The following ZNF223 variants were observed in gnomAD, a reference collection of about 807,000 sequenced individuals.
ZNF223 encodes the protein zinc finger protein 223.
A neutral mutation model predicts 12.3 loss-of-function variants in ZNF223; 9 were observed. The ratio of observed to expected loss-of-function variants is 0.73; its 90% CI spans 0.44 to 1.28. The LOEUF is 1.28. Ranked by LOEUF, ZNF223 falls within the 50% of genes most tolerant of loss-of-function variation. The pLI is 0.00. For synonymous variants in ZNF223, 171 were observed against 195.2 expected, an observed-to-expected ratio of 0.88 and a Z score of 1.03; for missense variants, 506 against 579.0, an observed-to-expected ratio of 0.87 and a Z score of 1.29.
At position 44,066,891 on chromosome 19, in the gene ZNF223, C is replaced by T. The variant is rs751353890; in HGVS notation, c.1063C>T (p.Arg355Trp). The change falls in exon 5 of 5, where the codon CGG (arginine) becomes TGG (tryptophan). Residue 355 changes from arginine to tryptophan, a missense_variant. Arg to Trp is a moderately radical substitution (Grantham distance 101). Transcript: ENST00000434772. ...NCKECGKSFR[R>W]SSYLLIHQRV... ...TAAAGAATGTGGGAAGAGCTTCAGA[C>T]GGTCCTCCTATCTTTTGATCCATCA... is the stretch of plus-strand genomic sequence containing the variant. 1.1e-5 allele frequency: 17 copies of T among 1,614,168 alleles called. No individual in the cohort carries two copies. The highest frequency in any genetic ancestry group is 7.7e-5 in the South Asian group (7 of 91,078).
At chr19:44,060,602 T>C in intron 3 of ZNF223, 21 bp downstream of exon 3, 1 of 1,613,964 alleles carries the variant, frequency 6.2e-7, no homozygotes, top group Non-Finnish European at 8.5e-7. Flanking sequence ...GCATCTTCTA[T>C]AAGGGAATGT....
In ZNF223 at chr19:44,067,384, T is replaced by C; in HGVS notation, c.*107T>C. ...ACATTTATCACCTCAATTATCTCTT[T>C]TTTGTGTTGAGAAAATTAAAAATTC... On this transcript the variant is annotated 3_prime_UTR_variant, in exon 5 of 5. Coordinates refer to ENST00000434772, the MANE Select transcript of ZNF223 (RefSeq NM_013361.6). The C allele has an allele frequency of 2.4e-6, 3 of 1,250,220 alleles. No individual in the cohort carries two copies. The highest frequency in any genetic ancestry group is 1.3e-5 in the South Asian group (1 of 77,590). The allele number at this position is 1,250,220 out of a possible 1,614,324, so 77.4% of individuals were successfully genotyped here.
In ZNF223 at chr19:44,066,343, CAGAGA is replaced by C. The variant is rs1303606060; in HGVS notation, c.518_522del (p.Glu173ValfsTer5). On this transcript the variant is annotated frameshift_variant, in exon 5 of 5. Coordinates refer to ENST00000434772, the MANE Select transcript of ZNF223 (RefSeq NM_013361.6). LOFTEE classifies it low-confidence loss of function (END_TRUNC). ...GATCTTCCTCAGCAAATACGCTCAG[CAGAGA>C]AGTCTCATTCCTGTGATGAGTGTGG... The C allele has an allele frequency of 1.2e-6, 2 of 1,614,214 alleles. No individual in the cohort carries two copies.
At chr19:44,065,354 G>A (rs139649417) in intron 4 of ZNF223, among the ~76,000 whole-genome samples, 16 of 152,074 alleles carry the variant, frequency 1.1e-4, no homozygotes, top group Non-Finnish European at 1.9e-4. Flanking sequence ...GCAAATATAC[G>A]AAGTATTTAT....
At chr19:44,060,091 G>A (rs147673395) in intron 2 of ZNF223, among the ~76,000 whole-genome samples, 237 of 152,266 alleles carry the variant, frequency 1.6e-3, no homozygotes, top group African/African-American at 5.4e-3. Context: ...CTGCCAGGTC[G>A]GGCAGATACT....
chr19:44,056,869 A>G (rs1391513092), intron 2 of ZNF223, among the ~76,000 whole-genome samples: 2 of 152,040 alleles, frequency 1.3e-5, no homozygotes, highest in Non-Finnish European at 2.9e-5. Flanking sequence ...TGCTGGGATT[A>G]CAAGCGTGAA....
At chr19:44,055,248 G>A in intron 2 of ZNF223, 57 bp downstream of exon 2, 1 of 1,596,610 alleles carries the variant, frequency 6.3e-7, no homozygotes, top group South Asian at 1.1e-5. Flanking sequence ...TCAGATTGTT[G>A]TGTGTTTTTC....
chr19:44,064,244 G>A (rs896936005), intron 4 of ZNF223, among the ~76,000 whole-genome samples: 3 of 152,118 alleles, frequency 2.0e-5, no homozygotes, highest in African/African-American at 7.2e-5. Context: ...CTGATGTGTA[G>A]TCTTGAATAT....
At chr19:44,062,886 G>C (rs1031789740) in intron 4 of ZNF223, among the ~76,000 whole-genome samples, 2 of 152,160 alleles carry the variant, frequency 1.3e-5, no homozygotes, top group Non-Finnish European at 2.9e-5. Flanking sequence ...GAGGATGAGA[G>C]GACACAAGTT....
At chr19:44,055,059 C>A (rs755563617) in intron 1 of ZNF223, 50 bp from the exon 2 acceptor site, 1 of 949,152 alleles carries the variant, frequency 1.1e-6, no homozygotes, top group Non-Finnish European at 1.6e-6. Flanking sequence ...TGGGTGACAT[C>A]CCTGGCCACC....
At position 44,056,531 on chromosome 19, in the gene ZNF223, C is replaced by CAAA. The variant is rs370032044; in HGVS notation, c.15+1354_15+1356dup. 9.8e-3 allele frequency among the ~76,000 whole-genome samples: 743 copies of CAAA among 75,990 alleles called. 28 individuals carry two copies. The highest frequency in any genetic ancestry group is 0.044 in the African/African-American group (701 of 15,912). 49.9% of individuals were successfully genotyped at this position (75,990 alleles called of 152,430 possible). ...TGAGTGACAGAGTGAGACTCTGTCT[C>CAAA]AAAAAAAAAAAAAAAATCCCTAAAT... On this transcript the variant is annotated intron_variant, in intron 2 of 4. Coordinates refer to ENST00000434772, the MANE Select transcript of ZNF223 (RefSeq NM_013361.6).
intron 4 of ZNF223, among the ~76,000 whole-genome samples, chr19:44,061,619 TTCC>T (rs1178674036): frequency 6.6e-6 from 1 of 152,246 alleles, no homozygotes; most frequent in Non-Finnish European, 1.5e-5. Flanking sequence ...CAAGTTGACT[TTCC>T]TACTTTCTGC....
At chr19:44,055,262 G>GATTGTTGTGTGTTTTT in intron 2 of ZNF223, 71 bp downstream of exon 2, 2 of 1,554,772 alleles carry the variant, frequency 1.3e-6, no homozygotes, top group African/African-American at 2.8e-5. Flanking sequence ...GTTTTTCTCT[G>GATTGTTGTGTGTTTTT]CCCTGGGAAG....
intron 4 of ZNF223, among the ~76,000 whole-genome samples, chr19:44,064,775 A>G (rs1433373056): frequency 6.6e-6 from 1 of 152,170 alleles, no homozygotes; most frequent in Non-Finnish European, 1.5e-5. Context: ...GAAAAACCAA[A>G]TAAGACAGAG....
At chr19:44,054,464 T>A (rs1976740431) in intron 1 of ZNF223, among the ~76,000 whole-genome samples, 1 of 152,220 alleles carries the variant, frequency 6.6e-6, no homozygotes, top group Non-Finnish European at 1.5e-5. Flanking sequence ...CATTGATTTG[T>A]TCAACTATAA....
At chr19:44,059,073 C>T (rs1976804634) in intron 2 of ZNF223, among the ~76,000 whole-genome samples, 3 of 152,208 alleles carry the variant, frequency 2.0e-5, no homozygotes, top group African/African-American at 7.2e-5. Flanking sequence ...AGCACCCATT[C>T]CCTTGTTTGG....
intron 2 of ZNF223, among the ~76,000 whole-genome samples, chr19:44,059,373 C>G (rs529644035): frequency 6.6e-6 from 1 of 152,284 alleles, no homozygotes; most frequent in African/African-American, 2.4e-5. Flanking sequence ...TCTCATGTGG[C>G]AGGTGCCAGG....
In ZNF223 at chr19:44,066,732, A is replaced by G; in HGVS notation, c.904A>G (p.Ser302Gly). Residue 302 changes from serine (S) to glycine (G), a missense_variant, in exon 5 of 5, where the codon AGT (serine) becomes GGT (glycine). Ser to Gly is a moderately conservative substitution (Grantham distance 56). Transcript: ENST00000434772. ...TAGTGTGAGCTTCCGTCTTAGGTCA[A>G]GTCTTAATAGGCATTGTGTGGTCCA... is the stretch of plus-strand genomic sequence containing the variant. ...ICSVSFRLRS[S>G]LNRHCVVHTG... 3 of 1,614,230 alleles carry G rather than the reference A, an allele frequency of 1.9e-6. No individual in the cohort carries two copies. Among genetic ancestry groups the G allele is most frequent in the Non-Finnish European group, 2.5e-6 (3 of 1,180,044 alleles).
intron 2 of ZNF223, among the ~76,000 whole-genome samples, chr19:44,060,078 C>T (rs571627439): frequency 2.4e-4 from 36 of 152,286 alleles, no homozygotes; most frequent in African/African-American, 7.2e-4. Flanking sequence ...CCTCATCAAC[C>T]GGCTGCCAGG....
Sources: allele counts gnomAD v4.1 joint callset (sites outside exome capture counted in the v4.1 genomes callset), GRCh38; gene constraint gnomAD v4.1.1; transcripts MANE v1.5; gene names NCBI Gene and HGNC (gene_info 2026-07-23, HGNC 2026-07-21).